The following PPFIA2 variants were observed in gnomAD, a reference collection of about 807,000 sequenced individuals.
The protein encoded by PPFIA2 is PPFI scaffold protein A2, also known as liprin-alpha-2.
PPFIA2 carries 46 observed loss-of-function variants against 175.5 expected under a neutral mutation model. The ratio of observed to expected loss-of-function variants is 0.26; its 90% CI spans 0.21 to 0.34. The LOEUF is 0.34. PPFIA2 is among the 10% of genes least tolerant of loss of function. The pLI, the probability that PPFIA2 is intolerant of heterozygous loss-of-function variation, is 1.00. For missense variants in PPFIA2, 1,179 were observed against 1,506.1 expected (o/e 0.78, Z 3.60); for synonymous variants, 568 against 511.4 (o/e 1.11, Z -1.49).
intron 5 of PPFIA2, among the ~76,000 whole-genome samples, chr12:81,447,444 C>A (rs1386528878): frequency 6.6e-6 from 1 of 152,124 alleles, no homozygotes; most frequent in Non-Finnish European, 1.5e-5. Flanking sequence ...GTACCCTCTG[C>A]CCAAAGCACT....
intron 4 of PPFIA2, among the ~76,000 whole-genome samples, chr12:81,630,596 G>A (rs1256362477): frequency 6.6e-6 from 1 of 151,982 alleles, no homozygotes; most frequent in East Asian, 1.9e-4. Context: ...GCTTTTGGAA[G>A]CCTAATAGTC....
chr12:81,483,600 T>G (rs905168139), intron 4 of PPFIA2, among the ~76,000 whole-genome samples: 8 of 151,976 alleles, frequency 5.3e-5, no homozygotes, highest in Admixed American at 5.3e-4. Context: ...AGTTAGATGG[T>G]GGTGAAGGTT....
chr12:81,529,559 A>AAGAGAGAGAGAGAGAG (rs60373881), intron 4 of PPFIA2, among the ~76,000 whole-genome samples: 20 of 145,780 alleles, frequency 1.4e-4, no homozygotes, highest in African/African-American at 5.1e-4. Context: ...GGGCAGTGGA[A>AAGAGAGAGAGAGAGAG]AGAGAGAGAG....
chr12:81,525,455 G>T (rs1258950686), intron 4 of PPFIA2, among the ~76,000 whole-genome samples: 1 of 152,154 alleles, frequency 6.6e-6, no homozygotes, highest in African/African-American at 2.4e-5. Flanking sequence ...AAATATTCCT[G>T]CTGAACTTGA....
chr12:81,649,861 G>A (rs1351520263), intron 4 of PPFIA2, among the ~76,000 whole-genome samples: 2 of 152,258 alleles, frequency 1.3e-5, no homozygotes, highest in East Asian at 3.9e-4. Context: ...GTAGATCAAT[G>A]GTTGATATGG....
chr12:81,484,695 T>G (rs1001973530), intron 4 of PPFIA2, among the ~76,000 whole-genome samples: 3 of 151,914 alleles, frequency 2.0e-5, no homozygotes, highest in Non-Finnish European at 4.4e-5. Flanking sequence ...CCAAACTTGA[T>G]CTCAGCTTTT....
chr12:81,434,266 CATT>C (rs775953456), intron 7 of PPFIA2, among the ~76,000 whole-genome samples: 2 of 151,804 alleles, frequency 1.3e-5, no homozygotes, highest in Non-Finnish European at 2.9e-5. Flanking sequence ...CATAATAGAT[CATT>C]ATGTTATCAG....
chr12:81,518,846 T>G (rs2062778042), intron 4 of PPFIA2, among the ~76,000 whole-genome samples: 1 of 152,158 alleles, frequency 6.6e-6, no homozygotes, highest in East Asian at 1.9e-4. Context: ...ATTTACTGAG[T>G]AAATTAATGA....
chr12:81,419,737 T>C (rs368537042), intron 7 of PPFIA2, among the ~76,000 whole-genome samples: 10 of 152,156 alleles, frequency 6.6e-5, no homozygotes, highest in Admixed American at 2.6e-4. Flanking sequence ...ATAAAGAGTA[T>C]ATACATGACT....
chr12:81,566,529 TCAA>T (rs1567361909), intron 4 of PPFIA2, among the ~76,000 whole-genome samples: 1,178 of 14,766 alleles, frequency 0.08, 12 homozygotes, highest in African/African-American at 0.21. Context: ...AGACTCCAAC[TCAA>T]AAAAAAAAAA....
In PPFIA2 at chr12:81,389,708, G is replaced by C. The variant is rs1312876312; in HGVS notation, c.763-5464C>G. On this transcript the variant is annotated intron_variant, in intron 8 of 32. Coordinates refer to ENST00000549396, the MANE Select transcript of PPFIA2 (RefSeq NM_003625.5). ...TTTTGTTCCAAACCATTGTTAACTT[G>C]ACTTACCTTTAAAATAAATTGTGGC... Among the ~76,000 whole-genome samples, 4 of 152,024 alleles carry C rather than the reference G, an allele frequency of 2.6e-5. No individual in the cohort carries two copies. In the East Asian group the frequency reaches 7.7e-4, roughly 29 times the overall value.
At chr12:81,630,897 ATATTTT>A (rs1161448533) in intron 4 of PPFIA2, among the ~76,000 whole-genome samples, 1 of 75,282 alleles carries the variant, frequency 1.3e-5, no homozygotes, top group African/African-American at 6.5e-5. Context: ...ATATATATAT[ATATTTT>A]TTTTTTTTTT....
chr12:81,331,268 C>T (rs1288865000), intron 21 of PPFIA2, among the ~76,000 whole-genome samples: 1 of 152,174 alleles, frequency 6.6e-6, no homozygotes, highest in Non-Finnish European at 1.5e-5. Context: ...TCAGTACAGT[C>T]ACATATTGTG....
intron 4 of PPFIA2, among the ~76,000 whole-genome samples, chr12:81,650,012 GTT>G (rs869100881): frequency 6.8e-6 from 1 of 147,516 alleles, no homozygotes. Context: ...TTTTGTTTTT[GTT>G]TTTTTTTTTT....
chr12:81,452,222 A>G (rs537800761), intron 5 of PPFIA2, among the ~76,000 whole-genome samples: 1 of 152,330 alleles, frequency 6.6e-6, no homozygotes, highest in African/African-American at 2.4e-5. Context: ...TTATTTTACT[A>G]TGATTCTGTA....
chr12:81,386,283 A>AGGT (rs2038920355), intron 8 of PPFIA2, among the ~76,000 whole-genome samples: 1 of 98,392 alleles, frequency 1.0e-5, no homozygotes, highest in Non-Finnish European at 1.8e-5. Flanking sequence ...CTTTAAATAA[A>AGGT]TAAATAAATA....
At chr12:81,393,917 G>A (rs949815559) in intron 8 of PPFIA2, among the ~76,000 whole-genome samples, 1 of 151,996 alleles carries the variant, frequency 6.6e-6, no homozygotes, top group African/African-American at 2.4e-5. Flanking sequence ...TACTGCTGGT[G>A]GAACTAGTTT....
At chr12:81,541,313 T>C (rs1293318765) in intron 4 of PPFIA2, among the ~76,000 whole-genome samples, 2 of 152,224 alleles carry the variant, frequency 1.3e-5, no homozygotes, top group African/African-American at 2.4e-5. Context: ...AAATTGTTTG[T>C]GGCTCATTCA....
rs71669706 is a variant in PPFIA2 at position 81,618,253 on chromosome 12, CTGTGTG to C, written c.303+58532_303+58537del. Reference sequence around the variant, plus strand: ...CATTGCATTTTTACTATGTGTAAATCTGTGTGTGTGTGTGTGTGTGTGTGTGTGTAT... The same window carrying C: ...CATTGCATTTTTACTATGTGTAAATCTGTGTGTGTGTGTGTGTGTGTGTAT... On this transcript the variant is annotated intron_variant, in intron 4 of 32. Coordinates refer to ENST00000549396, the MANE Select transcript of PPFIA2 (RefSeq NM_003625.5). Among the ~76,000 whole-genome samples, 319 of 148,702 alleles carry C rather than the reference CTGTGTG, an allele frequency of 2.1e-3. 9 individuals are homozygous for C. The highest frequency in any genetic ancestry group is 0.019 in the Admixed American group (277 of 14,954).
Sources: allele counts gnomAD v4.1 joint callset (sites outside exome capture counted in the v4.1 genomes callset), GRCh38; gene constraint gnomAD v4.1.1; transcripts MANE v1.5; gene names NCBI Gene and HGNC (gene_info 2026-07-23, HGNC 2026-07-21).